Variants in ARSB observed in about 807,000 individuals in gnomAD.
The protein encoded by ARSB is arylsulfatase B, also known as N-acetylgalactosamine-4-sulfatase.
A neutral mutation model predicts 50.9 loss-of-function variants in ARSB; 41 were observed. The observed-to-expected ratio is 0.81, with a 90% CI of 0.63 to 1.04. The LOEUF (loss-of-function observed/expected upper bound fraction) is 1.04. ARSB is among the 50% of genes least tolerant of loss of function. The probability of loss-of-function intolerance (pLI) is 0.00; values close to 1 mark genes in which losing one functional copy is unlikely to be tolerated. For missense variants in ARSB, 672 were observed against 693.3 expected (o/e 0.97, Z 0.35); for synonymous variants, 269 against 284.8 (o/e 0.94, Z 0.56).
chr5:78,985,542 A>C, upstream of ARSB: 1 of 237,388 alleles, frequency 4.2e-6, no homozygotes, highest in Non-Finnish European at 8.0e-6. Flanking sequence ...CGGCAATTAA[A>C]TTTGCACTGT....
In ARSB at chr5:78,792,365, T is replaced by C. The variant is rs1258831999; in HGVS notation, c.1214-10391A>G. Among the ~76,000 whole-genome samples the C allele has an allele frequency of 2.1e-5, 3 of 140,400 alleles. No individual in the cohort carries two copies. The Admixed American group carries it at 2.2e-4, about 10-fold the overall frequency. 92.1% of individuals were successfully genotyped at this position (140,400 alleles called of 152,430 possible). A position where few individuals can be genotyped will look rare whatever the true frequency, so the allele number is the denominator to read the frequency against. On this transcript the variant is annotated intron_variant, in intron 6 of 7. Transcript: ENST00000264914. Reference sequence around the variant, plus strand: ...CTGTACTCCAGCCTGGACGACAGAGTGAGAATCTGTCGCAAAAAAAAAAAA... The same window carrying C: ...CTGTACTCCAGCCTGGACGACAGAGCGAGAATCTGTCGCAAAAAAAAAAAA...
chr5:78,847,971 T>C (rs1745526628), intron 5 of ARSB, among the ~76,000 whole-genome samples: 1 of 152,044 alleles, frequency 6.6e-6, no homozygotes, highest in South Asian at 2.1e-4. Context: ...TAGCTAATTA[T>C]TTGTCAGTTT....
chr5:78,958,695 G>C (rs892972506), intron 3 of ARSB, among the ~76,000 whole-genome samples: 40 of 151,866 alleles, frequency 2.6e-4, no homozygotes, highest in African/African-American at 8.9e-4. Context: ...AGATTATAGA[G>C]TAACTCTCTT....
At chr5:78,836,324 T>C (rs1325966578) in intron 6 of ARSB, among the ~76,000 whole-genome samples, 2 of 152,124 alleles carry the variant, frequency 1.3e-5, no homozygotes, top group Non-Finnish European at 2.9e-5. Flanking sequence ...GAAGCAACAG[T>C]GAATGTGGTT....
chr5:78,820,148 T>C (rs1404537057), intron 6 of ARSB, among the ~76,000 whole-genome samples: 1 of 152,196 alleles, frequency 6.6e-6, no homozygotes, highest in Non-Finnish European at 1.5e-5. Flanking sequence ...GGCACCATCT[T>C]GGAAGCAGAA....
chr5:78,938,320 T>A (rs1750731428), intron 4 of ARSB, among the ~76,000 whole-genome samples: 1 of 152,232 alleles, frequency 6.6e-6, no homozygotes, highest in Non-Finnish European at 1.5e-5. Flanking sequence ...TTTAAAGTGA[T>A]CCAACATGCT....
In ARSB at chr5:78,940,306, T is replaced by C. The variant is rs1191391598; in HGVS notation, c.898+14989A>G. Among the ~76,000 whole-genome samples, 4 of 152,230 alleles carry C rather than the reference T, an allele frequency of 2.6e-5. No homozygotes were observed. In the South Asian group the frequency reaches 8.3e-4, roughly 32 times the overall value. On this transcript the variant is annotated intron_variant, in intron 4 of 7. Coordinates refer to ENST00000264914, the MANE Select transcript of ARSB (RefSeq NM_000046.5). ...TTTAATTAGATCCCATTTGTCTATTTTGGCTTTTGCTGCCATTGCTTTTGG... is the reference window on the plus strand; with the variant it reads ...TTTAATTAGATCCCATTTGTCTATTCTGGCTTTTGCTGCCATTGCTTTTGG...
chr5:78,970,644 G>A (rs1752414514), intron 1 of ARSB, among the ~76,000 whole-genome samples: 3 of 152,124 alleles, frequency 2.0e-5, no homozygotes, highest in Admixed American at 1.3e-4. Flanking sequence ...TGGCACTTGT[G>A]ATAGAGTGGC....
At chr5:78,829,446 G>A (rs746073397) in intron 6 of ARSB, among the ~76,000 whole-genome samples, 4 of 152,032 alleles carry the variant, frequency 2.6e-5, no homozygotes, top group African/African-American at 9.7e-5. Context: ...TGTCCTTACT[G>A]CTTATATTAT....
chr5:78,848,914 G>GT (rs1554075113), intron 5 of ARSB, among the ~76,000 whole-genome samples: 14 of 151,478 alleles, frequency 9.2e-5, no homozygotes, highest in African/African-American at 2.7e-4. Flanking sequence ...TGTTGATGGC[G>GT]TTGTTTTTTC....
At chr5:78,847,877 T>C (rs976705311) in intron 5 of ARSB, among the ~76,000 whole-genome samples, 2 of 152,122 alleles carry the variant, frequency 1.3e-5, no homozygotes, top group Non-Finnish European at 2.9e-5. Flanking sequence ...TCTCTCATGA[T>C]CACTTGTATT....
chr5:78,921,424 GTA>G (rs1331718281), intron 4 of ARSB, among the ~76,000 whole-genome samples: 1 of 152,126 alleles, frequency 6.6e-6, no homozygotes, highest in African/African-American at 2.4e-5. Flanking sequence ...ATATGTATGT[GTA>G]TATATGTGTG....
chr5:78,915,438 G>A (rs764543989), intron 4 of ARSB, among the ~76,000 whole-genome samples: 6 of 152,080 alleles, frequency 3.9e-5, no homozygotes, highest in African/African-American at 7.2e-5. Context: ...AATGTCAGTC[G>A]AAGGCAAGCT....
intron 6 of ARSB, among the ~76,000 whole-genome samples, chr5:78,832,089 G>T (rs532255515): frequency 6.6e-6 from 1 of 151,698 alleles, no homozygotes; most frequent in Non-Finnish European, 1.5e-5. Context: ...GGGAAAACAC[G>T]TGAATATAAA....
intron 5 of ARSB, among the ~76,000 whole-genome samples, chr5:78,845,577 G>A (rs941453752): frequency 2.6e-5 from 4 of 151,856 alleles, no homozygotes; most frequent in South Asian, 2.1e-4. Flanking sequence ...CATTCTAACC[G>A]GGTTGAGATC....
chr5:78,947,765 A>G (rs1751310558), intron 4 of ARSB, among the ~76,000 whole-genome samples: 1 of 152,260 alleles, frequency 6.6e-6, no homozygotes, highest in African/African-American at 2.4e-5. Flanking sequence ...CACATGATCC[A>G]GTAATCCCAC....
intron 6 of ARSB, chr5:78,815,712 A>C (rs1007149443): frequency 9.3e-7 from 1 of 1,069,522 alleles, no homozygotes; most frequent in African/African-American, 1.7e-5. Flanking sequence ...ACTGTAAGAC[A>C]AGTATAAAGG....
chr5:78,852,970 CAA>C (rs1490957090), intron 5 of ARSB, among the ~76,000 whole-genome samples: 1 of 152,116 alleles, frequency 6.6e-6, no homozygotes, highest in Non-Finnish European at 1.5e-5. Flanking sequence ...AAATTTTTTT[CAA>C]AGTTTTTAAC....
At chr5:78,978,854 T>C (rs1166753831) in intron 1 of ARSB, among the ~76,000 whole-genome samples, 1 of 152,168 alleles carries the variant, frequency 6.6e-6, no homozygotes, top group Admixed American at 6.5e-5. Flanking sequence ...AAGACCTAAA[T>C]GTAAAAACTG....
Sources: allele counts gnomAD v4.1 joint callset (sites outside exome capture counted in the v4.1 genomes callset), GRCh38; gene constraint gnomAD v4.1.1; transcripts MANE v1.5; gene names NCBI Gene and HGNC (gene_info 2026-07-23, HGNC 2026-07-21).